The following SLC12A8 variants were observed in gnomAD, a reference collection of about 807,000 sequenced individuals.
The protein encoded by SLC12A8 is cation-chloride cotransporter 9.
A neutral mutation model predicts 75.6 loss-of-function variants in SLC12A8; 69 were observed. That is an observed-to-expected ratio of 0.91 (90% CI 0.75 to 1.11). The LOEUF is 1.11. SLC12A8 is among the 50% of genes most tolerant of loss of function. The probability of loss-of-function intolerance (pLI) is 0.00; values close to 1 mark genes in which losing one functional copy is unlikely to be tolerated. For synonymous variants in SLC12A8, 365 were observed against 372.8 expected (o/e 0.98, Z 0.24); for missense variants, 877 against 896.7 (o/e 0.98, Z 0.28).
Position 125,082,937 on chromosome 3 carries a change from G to A in SLC12A8, c.*953C>T, listed in dbSNP as rs1412666533. 1 of 152,186 alleles carries A rather than the reference G, an allele frequency of 6.6e-6. No individual in the cohort carries two copies. Among genetic ancestry groups the A allele is most frequent in the Non-Finnish European group, 1.5e-5 (1 of 68,022 alleles). 9.4% of individuals were successfully genotyped at this position (152,186 alleles called of 1,614,324 possible). On this transcript the variant is annotated 3_prime_UTR_variant, in exon 14 of 14. Coordinates refer to ENST00000469902, the MANE Select transcript of SLC12A8 (RefSeq NM_024628.6). ...ATATGAAATGTCTCCAAGATAGATT[G>A]TTAAGGGAAAAAAGCAAGGTGCAGA...
At chr3:125,164,262 C>G (rs1451630093) in intron 5 of SLC12A8, among the ~76,000 whole-genome samples, 2 of 152,202 alleles carry the variant, frequency 1.3e-5, no homozygotes, top group Admixed American at 1.3e-4. Context: ...TCAGGTGCCT[C>G]TGGGTTTCAA....
chr3:125,205,095 G>A (rs987219796), intron 2 of SLC12A8, among the ~76,000 whole-genome samples: 22 of 152,000 alleles, frequency 1.4e-4, no homozygotes, highest in African/African-American at 4.4e-4. Flanking sequence ...GGCAACCAGA[G>A]GCCACCCCTA....
chr3:125,201,855 GA>G (rs541505157), intron 2 of SLC12A8, among the ~76,000 whole-genome samples: 28 of 152,234 alleles, frequency 1.8e-4, no homozygotes, highest in African/African-American at 6.5e-4. Context: ...GATAATTATT[GA>G]AGAGCAAAAA....
chr3:125,094,693 T>G (rs1388736199), intron 10 of SLC12A8, among the ~76,000 whole-genome samples: 3 of 152,246 alleles, frequency 2.0e-5, no homozygotes, highest in Non-Finnish European at 4.4e-5. Context: ...CCCTAGTTAT[T>G]GTCCTATTGC....
chr3:125,204,310 T>C lies in SLC12A8; in HGVS notation c.51+6989A>G, dbSNP rs144686704. On this transcript the variant is annotated intron_variant, in intron 2 of 13. Coordinates refer to ENST00000469902, the MANE Select transcript of SLC12A8 (RefSeq NM_024628.6). Reference sequence around the variant, plus strand: ...ATGTTTATTGCAGCCCTATTCGCAATAGCAAAAGGAGTCAACCTAAGTGTC... The same window carrying C: ...ATGTTTATTGCAGCCCTATTCGCAACAGCAAAAGGAGTCAACCTAAGTGTC... Among the ~76,000 whole-genome samples, 1,251 of 152,250 alleles carry C rather than the reference T, an allele frequency of 8.2e-3. 7 individuals carry two copies. Among genetic ancestry groups the C allele is most frequent in the Non-Finnish European group, 0.012 (798 of 68,008 alleles).
intron 6 of SLC12A8, among the ~76,000 whole-genome samples, chr3:125,121,758 T>C (rs1044045719): frequency 6.6e-6 from 1 of 152,222 alleles, no homozygotes; most frequent in Non-Finnish European, 1.5e-5. Context: ...AATTATGCTC[T>C]TAATGCCTCT....
chr3:125,137,876 G>C (rs1466437332), intron 5 of SLC12A8, among the ~76,000 whole-genome samples: 3 of 152,118 alleles, frequency 2.0e-5, no homozygotes, highest in African/African-American at 7.2e-5. Flanking sequence ...GAGAAATGCA[G>C]CCCTGCCACA....
chr3:125,142,345 C>G (rs1416218), intron 5 of SLC12A8, among the ~76,000 whole-genome samples: 70,764 of 152,110 alleles, frequency 0.47, 16,887 homozygotes, highest in East Asian at 0.57. Flanking sequence ...GGCCTGGCCT[C>G]CCTGGGCTGG....
At chr3:125,206,282 G>C (rs1225505781) in intron 2 of SLC12A8, among the ~76,000 whole-genome samples, 3 of 152,182 alleles carry the variant, frequency 2.0e-5, no homozygotes, top group Non-Finnish European at 4.4e-5. Flanking sequence ...TCAACTCAGG[G>C]CTGTGTTCTG....
chr3:125,207,032 G>A (rs529036589), intron 2 of SLC12A8, among the ~76,000 whole-genome samples: 23 of 152,308 alleles, frequency 1.5e-4, no homozygotes, highest in African/African-American at 3.6e-4. Flanking sequence ...CAAACCATGA[G>A]AGAGCAAGAG....
chr3:125,174,271 A>G (rs1195189727), intron 5 of SLC12A8, among the ~76,000 whole-genome samples: 1 of 152,250 alleles, frequency 6.6e-6, no homozygotes, highest in African/African-American at 2.4e-5. Flanking sequence ...AATTAAAACA[A>G]TGATGAGATA....
chr3:125,121,164 C>T (rs1299073282), intron 6 of SLC12A8, among the ~76,000 whole-genome samples: 1 of 152,176 alleles, frequency 6.6e-6, no homozygotes, highest in Non-Finnish European at 1.5e-5. Context: ...CCTGAGCTAC[C>T]AAAGGGCTTG....
At chr3:125,137,714 C>T (rs1050198886) in intron 5 of SLC12A8, among the ~76,000 whole-genome samples, 4 of 152,238 alleles carry the variant, frequency 2.6e-5, no homozygotes, top group Admixed American at 2.6e-4. Context: ...CCCTGGCCAG[C>T]CTGAAGGTTC....
chr3:125,127,731 A>T (rs1933243623), intron 6 of SLC12A8, among the ~76,000 whole-genome samples: 2 of 152,348 alleles, frequency 1.3e-5, no homozygotes, highest in East Asian at 3.9e-4. Flanking sequence ...TTAGTGGCTG[A>T]CATAATAGGT....
intron 2 of SLC12A8, among the ~76,000 whole-genome samples, chr3:125,191,402 T>G (rs1025016231): frequency 1.3e-5 from 2 of 150,812 alleles, no homozygotes; most frequent in Non-Finnish European, 1.5e-5. Context: ...TTATGTAGGT[T>G]TGGCAATTAA....
intron 5 of SLC12A8, among the ~76,000 whole-genome samples, chr3:125,143,868 C>T (rs1467905578): frequency 2.0e-5 from 3 of 152,202 alleles, no homozygotes; most frequent in Non-Finnish European, 1.5e-5. Context: ...CTGCCATGCC[C>T]TGCGGTCTAG....
At chr3:125,103,082 T>G (rs1423260896) in intron 10 of SLC12A8, among the ~76,000 whole-genome samples, 1 of 152,162 alleles carries the variant, frequency 6.6e-6, no homozygotes, top group African/African-American at 2.4e-5. Context: ...AAGGGGGCTT[T>G]CCTTTGAAAC....
At chr3:125,173,452 CA>C (rs61001520) in intron 5 of SLC12A8, among the ~76,000 whole-genome samples, 22,508 of 79,632 alleles carry the variant, frequency 0.28, 1,136 homozygotes, top group East Asian at 0.41. Context: ...ATTCATGAGC[CA>C]AAAAAAAAAA....
At chr3:125,179,729 G>T (rs370618294) in intron 4 of SLC12A8, among the ~76,000 whole-genome samples, 28 of 128,998 alleles carry the variant, frequency 2.2e-4, no homozygotes, top group African/African-American at 8.5e-4. Context: ...GAGAGAGAGA[G>T]AGAAAGAGAA....
Sources: allele counts gnomAD v4.1 joint callset (sites outside exome capture counted in the v4.1 genomes callset), GRCh38; gene constraint gnomAD v4.1.1; transcripts MANE v1.5; gene names NCBI Gene and HGNC (gene_info 2026-07-23, HGNC 2026-07-21).